Variants in NFE2L2 observed in about 807,000 individuals in gnomAD.
NFE2L2 encodes the protein NFE2 like bZIP transcription factor 2, also known as nuclear factor erythroid 2-related factor 2.
NFE2L2 carries 20 observed loss-of-function variants against 49.6 expected under a neutral mutation model. The observed-to-expected ratio is 0.40, with a 90% CI of 0.28 to 0.59. The LOEUF is 0.59. Among genes scored for constraint, NFE2L2 ranks in the 20% least tolerant of loss-of-function variants. The probability of loss-of-function intolerance (pLI) is 0.40; values close to 1 mark genes in which losing one functional copy is unlikely to be tolerated. For missense variants in NFE2L2, 578 were observed against 714.2 expected (o/e 0.81, Z 2.17); for synonymous variants, 244 against 256.5 (o/e 0.95, Z 0.47).
intron 1 of NFE2L2, among the ~76,000 whole-genome samples, chr2:177,258,801 T>C (rs947864301): frequency 1.3e-5 from 2 of 152,214 alleles, no homozygotes; most frequent in Non-Finnish European, 2.9e-5. Flanking sequence ...ATATTTTTCT[T>C]TTCTTACTCA....
At chr2:177,237,517 A>T (rs1426081408) in intron 1 of NFE2L2, among the ~76,000 whole-genome samples, 2 of 151,680 alleles carry the variant, frequency 1.3e-5, no homozygotes, top group Non-Finnish European at 2.9e-5. Flanking sequence ...AGAGAAACCT[A>T]CTTTATTTTA....
chr2:177,237,254 G>C (rs1230758382), intron 1 of NFE2L2, among the ~76,000 whole-genome samples: 1 of 152,128 alleles, frequency 6.6e-6, no homozygotes, highest in Non-Finnish European at 1.5e-5. Flanking sequence ...CTTGGCTTTG[G>C]AATCTTGGTA....
chr2:177,264,683 C>G lies in NFE2L2; in HGVS notation c.-107G>C. On this transcript the variant is annotated 5_prime_UTR_variant, in exon 1 of 5. Coordinates refer to ENST00000397062, the MANE Select transcript of NFE2L2 (RefSeq NM_006164.5). ...CTGGTGGCGGCGGCGGCGGCGGTGGCGGCTGCGTCGGCGGCTCCTCCGGGC... is the reference window on the plus strand; with the variant it reads ...CTGGTGGCGGCGGCGGCGGCGGTGGGGGCTGCGTCGGCGGCTCCTCCGGGC... The G allele has an allele frequency of 9.6e-7, 1 of 1,042,248 alleles. No individual in the cohort carries two copies. The highest frequency in any genetic ancestry group is 3.3e-5 in the East Asian group (1 of 30,650). The allele number at this position is 1,042,248 out of a possible 1,614,324, so 64.6% of individuals were successfully genotyped here. A position where few individuals can be genotyped will look rare whatever the true frequency, so the allele number is the denominator to read the frequency against.
intron 1 of NFE2L2, among the ~76,000 whole-genome samples, chr2:177,241,268 C>G (rs10803905): frequency 0.52 from 78,543 of 151,968 alleles, 20,710 homozygotes; most frequent in South Asian, 0.74. Flanking sequence ...TAATGTTATT[C>G]CCCTGAGATC....
chr2:177,259,040 T>C (rs1260335966), intron 1 of NFE2L2, among the ~76,000 whole-genome samples: 1 of 152,262 alleles, frequency 6.6e-6, no homozygotes, highest in Non-Finnish European at 1.5e-5. Flanking sequence ...TCAGGCGCAG[T>C]GGCTCACGCC....
rs561419768 is a variant in NFE2L2, at chr2:177,235,694, A to G, written c.46-1423T>C. Among the ~76,000 whole-genome samples the G allele has an allele frequency of 1.3e-4, 19 of 151,980 alleles. 1 individual carries two copies. In the East Asian group the frequency reaches 3.3e-3, roughly 27 times the overall value. ...CAAAACAAATTAGTTGCACGTGGTG[A>G]TACGAGCCTGTAGTCCCAACTATTA... On this transcript the variant is annotated intron_variant, in intron 1 of 4. Transcript: ENST00000397062.
intron 1 of NFE2L2, among the ~76,000 whole-genome samples, chr2:177,249,596 G>A (rs1558988227): frequency 6.6e-6 from 1 of 152,084 alleles, no homozygotes; most frequent in Non-Finnish European, 1.5e-5. Flanking sequence ...AAATTTTTTA[G>A]TAGCCTAGCC....
At chr2:177,233,931 C>G (rs1339871219) in intron 2 of NFE2L2, 74 bp downstream of exon 2, 2 of 1,561,152 alleles carry the variant, frequency 1.3e-6, no homozygotes, top group African/African-American at 2.7e-5. Context: ...GAACTCAAAT[C>G]CAGATATTTT....
chr2:177,263,172 ACTT>A (rs946931146), intron 1 of NFE2L2, among the ~76,000 whole-genome samples: 1 of 152,252 alleles, frequency 6.6e-6, no homozygotes, highest in Admixed American at 6.5e-5. Context: ...ATGAGCAGAA[ACTT>A]CTTTTCACTT....
Position 177,231,608 on chromosome 2 carries a change from T to A in NFE2L2, c.995A>T (p.His332Leu), listed in dbSNP as rs759148000. The change falls in exon 5 of 5, where the codon CAC becomes CTC. Residue 332 changes from histidine (H) to leucine (L), a missense_variant. By Grantham distance (99) the His-to-Leu change is moderately conservative. Coordinates refer to ENST00000397062, the MANE Select transcript of NFE2L2 (RefSeq NM_006164.5). The part of the protein sequence containing the change: ...LSLCKAFNQN[H>L]PESTAEFNDS... ...ATTGAATTCTGCTGTGCTTTCAGGG[T>A]GGTTTTGGTTGAAAGCTTTGCAAAG... 1 of 1,614,162 alleles carries A rather than the reference T, an allele frequency of 6.2e-7. No individual in the cohort carries two copies. Among genetic ancestry groups the A allele is most frequent in the East Asian group, 2.2e-5 (1 of 44,892 alleles).
Position 177,232,259 on chromosome 2 carries a change from AT to A in NFE2L2, c.594+132del, listed in dbSNP as rs548039274. 435 of 965,440 alleles carry A rather than the reference AT, an allele frequency of 4.5e-4. 2 individuals are homozygous for A. In the African/African-American group the frequency reaches 6.4e-3, roughly 14 times the overall value. 59.8% of individuals were successfully genotyped at this position (965,440 alleles called of 1,614,324 possible). A position where few individuals can be genotyped will look rare whatever the true frequency, so the allele number is the denominator to read the frequency against. On this transcript the variant is annotated intron_variant, in intron 4 of 4. Transcript: ENST00000397062. ...AAGATGTCCAACCAATTTAACTAGC[AT>A]GGGCAGTACTCATGACTAAGTTAAT...
At chr2:177,233,815 A>T in intron 2 of NFE2L2, 190 bp downstream of exon 2, 1 of 678,928 alleles carries the variant, frequency 1.5e-6, no homozygotes, top group Non-Finnish European at 2.4e-6. Context: ...TAACACTGTT[A>T]AGATCAATAG....
intron 1 of NFE2L2, among the ~76,000 whole-genome samples, chr2:177,238,397 T>C (rs1362404436): frequency 6.6e-6 from 1 of 152,238 alleles, no homozygotes; most frequent in African/African-American, 2.4e-5. Context: ...GAAATAACTA[T>C]TTAATTTCCT....
At chr2:177,258,603 G>C (rs370040555) in intron 1 of NFE2L2, among the ~76,000 whole-genome samples, 2 of 152,076 alleles carry the variant, frequency 1.3e-5, no homozygotes, top group South Asian at 2.1e-4. Flanking sequence ...TGTAAGGTAC[G>C]TAAATTGTAT....
chr2:177,232,168 C>A, intron 4 of NFE2L2, 160 bp from the exon 5 acceptor site: 1 of 922,376 alleles, frequency 1.1e-6, no homozygotes, highest in Middle Eastern at 3.5e-4. Context: ...CATATTTACG[C>A]CTAAGCGTTA....
At chr2:177,238,028 A>G (rs913320173) in intron 1 of NFE2L2, among the ~76,000 whole-genome samples, 1 of 152,216 alleles carries the variant, frequency 6.6e-6, no homozygotes. Context: ...AACTCTGTAA[A>G]ATAGGCAGTC....
chr2:177,238,445 G>C (rs569586434), intron 1 of NFE2L2, among the ~76,000 whole-genome samples: 1 of 152,134 alleles, frequency 6.6e-6, no homozygotes, highest in East Asian at 1.9e-4. Context: ...GATAATATTT[G>C]AGGGGTTTGG....
chr2:177,244,051 A>G (rs1690033657), intron 1 of NFE2L2, among the ~76,000 whole-genome samples: 1 of 152,052 alleles, frequency 6.6e-6, no homozygotes, highest in Non-Finnish European at 1.5e-5. Context: ...CTGTAATCCC[A>G]GCACTTTAGG....
At chr2:177,246,689 T>G (rs779755928) in intron 1 of NFE2L2, among the ~76,000 whole-genome samples, 2 of 150,150 alleles carry the variant, frequency 1.3e-5, no homozygotes, top group Non-Finnish European at 3.0e-5. Context: ...AGCCTCAACC[T>G]CCTGGGCTCA....
Sources: allele counts gnomAD v4.1 joint callset (sites outside exome capture counted in the v4.1 genomes callset), GRCh38; gene constraint gnomAD v4.1.1; transcripts MANE v1.5; gene names NCBI Gene and HGNC (gene_info 2026-07-23, HGNC 2026-07-21).